The following ICE1 variants were observed in gnomAD, a reference collection of about 807,000 sequenced individuals.
ICE1 encodes the protein interactor of little elongation complex ELL subunit 1, also known as little elongation complex subunit 1.
A neutral mutation model predicts 192.7 loss-of-function variants in ICE1; 64 were observed. The ratio of observed to expected loss-of-function variants is 0.33; its 90% CI spans 0.27 to 0.41. ICE1 has a LOEUF of 0.41. Among genes scored for constraint, ICE1 ranks in the 10% least tolerant of loss-of-function variants. The probability of loss-of-function intolerance (pLI) is 1.00; values close to 1 mark genes in which losing one functional copy is unlikely to be tolerated. For missense variants in ICE1, 2,708 were observed against 2,696.0 expected, an observed-to-expected ratio of 1.00 and a Z score of -0.10; for synonymous variants, 1,010 against 984.5, an observed-to-expected ratio of 1.03 and a Z score of -0.49.
At chr5:5,423,133 C>G (rs573184486) in intron 1 of ICE1, 134 bp downstream of exon 1, 2 of 448,378 alleles carry the variant, frequency 4.5e-6, no homozygotes, top group Non-Finnish European at 7.3e-6. Context: ...AGCTCTTGCT[C>G]GCTCGTCTCT....
chr5:5,476,456 T>C (rs1406064184), intron 17 of ICE1, among the ~76,000 whole-genome samples: 1 of 152,146 alleles, frequency 6.6e-6, no homozygotes, highest in Non-Finnish European at 1.5e-5. Context: ...CTACCTGAGA[T>C]GGGATAATTT....
intron 1 of ICE1, among the ~76,000 whole-genome samples, chr5:5,429,647 C>A (rs1737638005): frequency 6.6e-6 from 1 of 152,214 alleles, no homozygotes; most frequent in Non-Finnish European, 1.5e-5. Flanking sequence ...TATCTATATA[C>A]TTACTACCTT....
chr5:5,481,564 A>G (rs1355212140), intron 17 of ICE1, among the ~76,000 whole-genome samples: 3 of 152,220 alleles, frequency 2.0e-5, no homozygotes, highest in African/African-American at 4.8e-5. Flanking sequence ...CTCAGGTTCC[A>G]TCTTCCAAGG....
At chr5:5,429,109 A>G (rs996736641) in intron 1 of ICE1, among the ~76,000 whole-genome samples, 1 of 152,186 alleles carries the variant, frequency 6.6e-6, no homozygotes, top group South Asian at 2.1e-4. Context: ...CACACAGCAC[A>G]TGCCTAATTG....
intron 7 of ICE1, 42 bp from the exon 8 acceptor site, chr5:5,447,385 G>C: frequency 8.1e-7 from 1 of 1,241,098 alleles, no homozygotes; most frequent in Non-Finnish European, 1.1e-6. Flanking sequence ...AGTAAAGTTA[G>C]TAAATTATTT....
intron 16 of ICE1, among the ~76,000 whole-genome samples, chr5:5,475,305 A>G (rs1218743657): frequency 6.6e-6 from 1 of 152,238 alleles, no homozygotes; most frequent in Non-Finnish European, 1.5e-5. Context: ...AGTAGGGAGT[A>G]TCTAGAAGAA....
rs1161395615 is a variant in ICE1 at position 5,462,109 on chromosome 5, A to G, written c.2775A>G (p.Ser925=). 27 of 1,613,842 alleles carry G rather than the reference A, an allele frequency of 1.7e-5. No homozygotes were observed. Among genetic ancestry groups the G allele is most frequent in the Non-Finnish European group, 2.1e-5 (25 of 1,179,764 alleles). The change falls in exon 13 of 19, where the codon TCA becomes TCG. Residue 925 remains serine (S), a synonymous_variant. Transcript: ENST00000296564. The stretch of plus-strand genomic sequence containing the variant: ...AGGTGGCTGCTGTGAAAAGCATTTC[A>G]CCAGAAGTTTCTGCCTCTAGGAGAA... ...ITEVAAVKSI[S]PEVSASRRKL... is the part of the protein sequence containing the mutation.
Position 5,444,319 on chromosome 5 carries a change from G to T in ICE1, c.417G>T (p.Lys139Asn). The change falls in exon 7 of 19, where the codon AAG becomes AAT. Residue 139 changes from lysine to asparagine, a missense_variant. This residue lies in a region of ICE1 where 2,366 missense variants were observed against 2,276.6 expected (regional missense o/e 1.04). Coordinates refer to ENST00000296564, the MANE Select transcript of ICE1 (RefSeq NM_015325.3). ...QKKKLEAKVKKLQEAAVKQTQ... is the reference protein window; with the variant it reads ...QKKKLEAKVKNLQEAAVKQTQ... The stretch of plus-strand genomic sequence containing the variant: ...AGAAACTAGAAGCTAAGGTGAAGAA[G>T]CTGCAAGGTAAGTGGCACTATTGTT... 1.3e-6 allele frequency: 2 copies of T among 1,567,008 alleles called. No homozygotes were observed. Among genetic ancestry groups the T allele is most frequent in the East Asian group, 2.3e-5 (1 of 42,840 alleles).
chr5:5,444,365 A>ACAAAACTCATAC (rs1171610863), intron 7 of ICE1, 39 bp downstream of exon 7: 5 of 1,439,024 alleles, frequency 3.5e-6, no homozygotes, highest in African/African-American at 1.4e-5. Context: ...TTCGGTCAGT[A>ACAAAACTCATAC]CAAAAATCAC....
intron 15 of ICE1, among the ~76,000 whole-genome samples, chr5:5,472,162 A>T: frequency 6.6e-6 from 1 of 152,306 alleles, no homozygotes; most frequent in Non-Finnish European, 1.5e-5. Context: ...AAACATATTC[A>T]TAAACTTAAG....
chr5:5,467,633 G>GT (rs1332285683), intron 14 of ICE1, among the ~76,000 whole-genome samples: 3 of 152,118 alleles, frequency 2.0e-5, no homozygotes, highest in Admixed American at 6.5e-5. Flanking sequence ...TGTATACTCT[G>GT]TAAGGAGAGA....
intron 10 of ICE1, among the ~76,000 whole-genome samples, chr5:5,449,519 T>C (rs1738352395): frequency 1.3e-5 from 2 of 149,670 alleles, no homozygotes; most frequent in African/African-American, 4.9e-5. Flanking sequence ...TTACCATCAG[T>C]AGAAGAAATG....
chr5:5,460,459 A>G lies in ICE1; in HGVS notation c.1125A>G (p.Thr375=). 3 of 1,595,314 alleles carry G rather than the reference A, an allele frequency of 1.9e-6. No individual in the cohort carries two copies. Among genetic ancestry groups the G allele is most frequent in the Non-Finnish European group, 2.6e-6 (3 of 1,170,308 alleles). Reference sequence around the variant, plus strand: ...AGGAAACCTACTTTGGAGAATACACAGATTCCAGCGATAATGACTCAGTCC... The same window carrying G: ...AGGAAACCTACTTTGGAGAATACACGGATTCCAGCGATAATGACTCAGTCC... ...FAPETYFGEY[T]DSSDNDSVQL... Residue 375 remains threonine, a synonymous_variant, in exon 13 of 19, where the codon ACA becomes ACG. Coordinates refer to ENST00000296564, the MANE Select transcript of ICE1 (RefSeq NM_015325.3).
In ICE1 at chr5:5,464,593, C is replaced by T. The variant is rs1327747264; in HGVS notation, c.5259C>T (p.Asp1753=). 1 of 1,611,496 alleles carries T rather than the reference C, an allele frequency of 6.2e-7. No homozygotes were observed. Among genetic ancestry groups the T allele is most frequent in the Non-Finnish European group, 8.5e-7 (1 of 1,178,598 alleles). The change falls in exon 13 of 19, where the codon GAC becomes GAT. Residue 1753 remains aspartate, a synonymous_variant. Coordinates refer to ENST00000296564, the MANE Select transcript of ICE1 (RefSeq NM_015325.3). This position sits in a 1 kb window ranked among gnomAD's most constrained non-coding sequence, Gnocchi z 4.0. ...AGGAGAATTCTGTGAAAATCCTTGA[C>T]ACCATGTATCCAGAGTTATCTGCCA... The part of the protein sequence containing the change: ...GPQENSVKIL[D]TMYPELSARA...
Position 5,486,786 on chromosome 5 carries a change from A to G in ICE1, c.6586A>G (p.Ile2196Val). The change falls in exon 18 of 19, where the codon ATT (isoleucine) becomes GTT (valine). Residue 2196 changes from isoleucine (I) to valine (V), a missense_variant. Ile to Val is a conservative substitution (Grantham distance 29, BLOSUM62 3). Transcript: ENST00000296564. ...PSAVKNISSVIGMFIQHAHDE... is the reference protein window; with the variant it reads ...PSAVKNISSVVGMFIQHAHDE... ...TGCTGTGAAAAATATTAGTTCGGTT[A>G]TTGGTATGTTTATACAGCATGCTCA... is the stretch of plus-strand genomic sequence containing the variant. The G allele has an allele frequency of 6.2e-7, 1 of 1,601,040 alleles. No individual in the cohort carries two copies. The highest frequency in any genetic ancestry group is 8.5e-7 in the Non-Finnish European group (1 of 1,172,956).
At chr5:5,450,876 A>G (rs1054669915) in intron 10 of ICE1, among the ~76,000 whole-genome samples, 6 of 152,180 alleles carry the variant, frequency 3.9e-5, no homozygotes, top group Non-Finnish European at 7.4e-5. Flanking sequence ...GGCCAAATCT[A>G]TTTTCGTCGT....
At position 5,475,961 on chromosome 5, in the gene ICE1, GTTTTTTTATAGTAAGGAGC is replaced by G; in HGVS notation, c.6414-10_6422del. 6.5e-7 allele frequency: 1 copy of G among 1,534,446 alleles called. No individual in the cohort carries two copies. The highest frequency in any genetic ancestry group is 9.0e-7 in the Non-Finnish European group (1 of 1,112,142). On this transcript the variant is annotated splice_acceptor_variant and splice_polypyrimidine_tract_variant and coding_sequence_variant and intron_variant, in exon 17 of 19. Coordinates refer to ENST00000296564, the MANE Select transcript of ICE1 (RefSeq NM_015325.3). LOFTEE classifies it high-confidence loss of function. ...TGATGAGCATACATCTTTTCATGTTGTTTTTTTATAGTAAGGAGCTGTGGCCTGTGATGGATAAATGGAT... is the reference window on the plus strand; with the variant it reads ...TGATGAGCATACATCTTTTCATGTTGTGTGGCCTGTGATGGATAAATGGAT...
chr5:5,440,836 G>A (rs377133852), intron 4 of ICE1, among the ~76,000 whole-genome samples: 5 of 151,722 alleles, frequency 3.3e-5, no homozygotes, highest in Admixed American at 6.6e-5. Context: ...GCAGTGAGCC[G>A]TGGTGGTGCC....
At chr5:5,437,799 A>C (rs1326071556) in intron 3 of ICE1, 1 of 152,164 alleles carries the variant, frequency 6.6e-6, no homozygotes, top group Non-Finnish European at 1.5e-5. Context: ...TAAAAACTTA[A>C]AGTTTCTCTC....
Sources: gnomAD v4.1 joint callset for allele counts (sites outside exome capture counted in the v4.1 genomes callset) on GRCh38, gnomAD v4.1.1 for gene constraint, gnomAD v4.1.1 regional missense constraint, Gnocchi (gnomAD v3.1) non-coding constraint, MANE v1.5 for transcripts, NCBI Gene and HGNC (gene_info 2026-07-23, HGNC 2026-07-21) for gene names.